The following LYPD6 variants were observed in gnomAD, a reference collection of about 807,000 sequenced individuals.
The protein encoded by LYPD6 is ly6/PLAUR domain-containing protein 6.
Under a neutral mutation model 22.7 loss-of-function variants are expected in LYPD6, and 15 were observed. The observed-to-expected ratio is 0.66, with a 90% CI of 0.44 to 1.02. LYPD6 has a LOEUF of 1.02. Ranked by LOEUF, LYPD6 falls within the 50% of genes least tolerant of loss-of-function variation. LYPD6 has a pLI of 0.00. For synonymous variants in LYPD6, 72 were observed against 77.5 expected, an observed-to-expected ratio of 0.93 and a Z score of 0.37; for missense variants, 189 against 208.4, an observed-to-expected ratio of 0.91 and a Z score of 0.57.
intron 1 of LYPD6, among the ~76,000 whole-genome samples, chr2:149,378,476 A>C (rs1473222865): frequency 6.6e-6 from 1 of 152,208 alleles, no homozygotes; most frequent in East Asian, 1.9e-4. Context: ...CCTGTTTTTA[A>C]GTAGTCAGTT....
rs149404112 is a variant in LYPD6 at position 149,461,432 on chromosome 2, A to C, written c.218-7213A>C. Among the ~76,000 whole-genome samples, 1,159 of 151,984 alleles carry C rather than the reference A, an allele frequency of 7.6e-3. 14 individuals carry two copies. Among genetic ancestry groups the C allele is most frequent in the African/African-American group, 0.026 (1,082 of 41,516 alleles). On this transcript the variant is annotated intron_variant, in intron 3 of 4. Coordinates refer to ENST00000334166, the MANE Select transcript of LYPD6 (RefSeq NM_194317.5). ...TAAAAGAACTCTTCAGGCCCAAATA[A>C]TTTCACTGGAGAATTTTACCAAGTT... is the stretch of plus-strand genomic sequence containing the variant.
At chr2:149,466,869 A>G (rs1257762124) in intron 3 of LYPD6, among the ~76,000 whole-genome samples, 4 of 150,250 alleles carry the variant, frequency 2.7e-5, no homozygotes, top group African/African-American at 9.8e-5. Context: ...ACAGGAGATA[A>G]GAACATTCCT....
chr2:149,414,793 T>C (rs1177861671), intron 1 of LYPD6, among the ~76,000 whole-genome samples: 1 of 152,226 alleles, frequency 6.6e-6, no homozygotes, highest in Non-Finnish European at 1.5e-5. Context: ...ACTTAGTTTC[T>C]TAAAATGGTG....
intron 1 of LYPD6, among the ~76,000 whole-genome samples, chr2:149,349,608 A>G (rs1681322811): frequency 6.6e-6 from 1 of 152,218 alleles, no homozygotes; most frequent in Admixed American, 6.5e-5. Flanking sequence ...TGATATGCAA[A>G]TGATAAAGAG....
At chr2:149,459,059 A>G (rs560784062) in intron 3 of LYPD6, among the ~76,000 whole-genome samples, 32 of 152,326 alleles carry the variant, frequency 2.1e-4, no homozygotes, top group African/African-American at 7.0e-4. Context: ...AAGTTTTTCT[A>G]AGAAGCTGAG....
At chr2:149,467,484 G>C (rs1289162777) in intron 3 of LYPD6, among the ~76,000 whole-genome samples, 1 of 152,100 alleles carries the variant, frequency 6.6e-6, no homozygotes, top group Non-Finnish European at 1.5e-5. Context: ...GTCTGTATTA[G>C]CTCATTCTCA....
At chr2:149,452,419 A>G (rs1224681332) in intron 3 of LYPD6, among the ~76,000 whole-genome samples, 1 of 152,202 alleles carries the variant, frequency 6.6e-6, no homozygotes, top group Admixed American at 6.5e-5. Context: ...ATTAAAATAG[A>G]AAATGTATTT....
intron 1 of LYPD6, among the ~76,000 whole-genome samples, chr2:149,334,092 T>C (rs965018551): frequency 1.4e-4 from 22 of 152,074 alleles, no homozygotes; most frequent in Middle Eastern, 3.4e-3. Flanking sequence ...ACTAAACTCA[T>C]AGTGAAAACA....
In LYPD6 at chr2:149,468,649, C is replaced by G; in HGVS notation, c.222C>G (p.Thr74=). 1 of 1,612,606 alleles carries G rather than the reference C, an allele frequency of 6.2e-7. No homozygotes were observed. The highest frequency in any genetic ancestry group is 8.5e-7 in the Non-Finnish European group (1 of 1,179,444). The change falls in exon 4 of 5, where the codon ACC becomes ACG. Residue 74 remains threonine, a synonymous_variant. Coordinates refer to ENST00000334166, the MANE Select transcript of LYPD6 (RefSeq NM_194317.5). ...ATATATTTTCTCTGTTGACAGAGAC[C>G]AGATACTGCTACACTCAGCACACAA... ...WAPDIYCPRE[T]RYCYTQHTME... is the part of the protein sequence containing the mutation.
rs1681347921 is a variant in LYPD6 at position 149,472,028 on chromosome 2, T to C, written c.*1178T>C. The C allele has an allele frequency of 1.3e-5, 2 of 152,582 alleles. No individual in the cohort carries two copies. Among genetic ancestry groups the C allele is most frequent in the African/African-American group, 4.8e-5 (2 of 41,466 alleles). The allele number at this position is 152,582 out of a possible 1,614,324, so 9.5% of individuals were successfully genotyped here. On this transcript the variant is annotated 3_prime_UTR_variant, in exon 5 of 5. Coordinates refer to ENST00000334166, the MANE Select transcript of LYPD6 (RefSeq NM_194317.5). ...TAGATATTGCTTTTGAAGTAGATGG[T>C]AAAATTTTTGTCATCCTTCTTGTAT...
chr2:149,331,642 T>G (rs752441584), intron 1 of LYPD6, among the ~76,000 whole-genome samples: 3 of 150,866 alleles, frequency 2.0e-5, no homozygotes, highest in Non-Finnish European at 4.4e-5. Flanking sequence ...GGGAGAGAAT[T>G]GGGTGGGGGG....
At chr2:149,348,960 T>G (rs1681311482) in intron 1 of LYPD6, among the ~76,000 whole-genome samples, 1 of 151,766 alleles carries the variant, frequency 6.6e-6, no homozygotes, top group Non-Finnish European at 1.5e-5. Context: ...ATGTGGAGTA[T>G]AAGTGAGAAA....
chr2:149,404,231 C>T (rs902359930), intron 1 of LYPD6, among the ~76,000 whole-genome samples: 1 of 152,106 alleles, frequency 6.6e-6, no homozygotes, highest in Non-Finnish European at 1.5e-5. Context: ...TTTTTGGTTC[C>T]ATATGAACTT....
chr2:149,460,458 C>T (rs1681064435), intron 3 of LYPD6, among the ~76,000 whole-genome samples: 1 of 152,008 alleles, frequency 6.6e-6, no homozygotes, highest in Non-Finnish European at 1.5e-5. Flanking sequence ...AGTATATAAG[C>T]ATCACATAAC....
At chr2:149,343,551 G>A (rs1681200761) in intron 1 of LYPD6, among the ~76,000 whole-genome samples, 1 of 152,184 alleles carries the variant, frequency 6.6e-6, no homozygotes, top group African/African-American at 2.4e-5. Flanking sequence ...GCTCGTTAAT[G>A]AATGAATCTA....
chr2:149,470,907 A>C lies in LYPD6; in HGVS notation c.*57A>C. 6.7e-7 allele frequency: 1 copy of C among 1,501,940 alleles called. No homozygotes were observed. The allele number at this position is 1,501,940 out of a possible 1,614,324, so 93.0% of individuals were successfully genotyped here. ...CCATGGGGATCTCGATGGTCCACAG[A>C]CCTGCATGAGTCATTGGCCTGACAG... On this transcript the variant is annotated 3_prime_UTR_variant, in exon 5 of 5. Coordinates refer to ENST00000334166, the MANE Select transcript of LYPD6 (RefSeq NM_194317.5).
intron 1 of LYPD6, among the ~76,000 whole-genome samples, chr2:149,423,343 G>A (rs978369086): frequency 3.3e-5 from 5 of 152,190 alleles, no homozygotes; most frequent in Admixed American, 6.5e-5. Context: ...GAAAACATTT[G>A]TGAACCTTAA....
chr2:149,350,843 A>G (rs1045937671), intron 1 of LYPD6, among the ~76,000 whole-genome samples: 3 of 152,170 alleles, frequency 2.0e-5, no homozygotes, highest in Admixed American at 6.5e-5. Flanking sequence ...TCTGGAGCAC[A>G]GAGTGGACAG....
chr2:149,375,127 C>T (rs1035109734), intron 1 of LYPD6, among the ~76,000 whole-genome samples: 1 of 152,056 alleles, frequency 6.6e-6, no homozygotes, highest in South Asian at 2.1e-4. Context: ...ACAGTGCCTT[C>T]GTAAATTTTT....
Sources: allele counts gnomAD v4.1 joint callset (sites outside exome capture counted in the v4.1 genomes callset), GRCh38; gene constraint gnomAD v4.1.1; transcripts MANE v1.5; gene names NCBI Gene and HGNC (gene_info 2026-07-23, HGNC 2026-07-21).